Variants in NOP58 observed in about 807,000 individuals in gnomAD.
NOP58 encodes NOP58 ribonucleoprotein.
Under a neutral mutation model 71.2 loss-of-function variants are expected in NOP58, and 44 were observed. The observed-to-expected ratio is 0.62, with a 90% CI of 0.49 to 0.79. The LOEUF (loss-of-function observed/expected upper bound fraction) is 0.79. NOP58 is among the 30% of genes least tolerant of loss of function. The probability of loss-of-function intolerance (pLI) is 0.00; values close to 1 mark genes in which losing one functional copy is unlikely to be tolerated. For synonymous variants in NOP58, 228 were observed against 200.3 expected (o/e 1.14, Z -1.17); for missense variants, 538 against 620.2 (o/e 0.87, Z 1.41).
intron 12 of NOP58, among the ~76,000 whole-genome samples, chr2:202,298,420 G>A (rs974212183): frequency 5.9e-5 from 9 of 152,150 alleles, no homozygotes; most frequent in African/African-American, 2.2e-4. Context: ...GGAGGCTGAG[G>A]CAGGCAGATC....
chr2:202,294,216 T>G (rs12478194), intron 9 of NOP58, among the ~76,000 whole-genome samples: 51,071 of 151,004 alleles, frequency 0.34, 10,045 homozygotes, highest in African/African-American at 0.55. Flanking sequence ...CTACTCGGGA[T>G]GCTGAGGCAG....
chr2:202,287,091 G>A (rs1045943925), intron 5 of NOP58, among the ~76,000 whole-genome samples: 19 of 141,104 alleles, frequency 1.3e-4, no homozygotes, highest in Admixed American at 3.6e-4. Context: ...TTTTTGAGGC[G>A]GAGTCTTGCT....
Position 202,265,891 on chromosome 2 carries a change from C to T in NOP58, c.-51C>T, listed in dbSNP as rs369397560. 37 of 1,612,178 alleles carry T rather than the reference C, an allele frequency of 2.3e-5. No individual in the cohort carries two copies. The Middle Eastern group carries it at 6.6e-4, about 29-fold the overall frequency. On this transcript the variant is annotated 5_prime_UTR_variant, in exon 1 of 15. Coordinates refer to ENST00000264279, the MANE Select transcript of NOP58 (RefSeq NM_015934.5). ...AGGCCGCGTAGTCGGTGTTTTTGAA[C>T]TGACTCTACAGCTTCTGGCAGGCCG... is the stretch of plus-strand genomic sequence containing the variant.
Position 202,294,926 on chromosome 2 carries a change from C to G in NOP58, c.908-748C>G, listed in dbSNP as rs192703137. ...GATGCAGTGAGCCAAGATCGCGCCA[C>G]TGCACTCCAGCCTGCGCAACAGAGC... On this transcript the variant is annotated intron_variant, in intron 9 of 14. Transcript: ENST00000264279. Among the ~76,000 whole-genome samples the G allele has an allele frequency of 1.1e-4, 16 of 151,524 alleles. 1 individual carries two copies. Among genetic ancestry groups the G allele is most frequent in the Admixed American group, 9.9e-4 (15 of 15,208 alleles).
intron 6 of NOP58, among the ~76,000 whole-genome samples, chr2:202,288,567 C>T (rs1688830991): frequency 6.6e-6 from 1 of 151,330 alleles, no homozygotes; most frequent in Non-Finnish European, 1.5e-5. Flanking sequence ...CCTGTAATCC[C>T]AACACTTTGG....
intron 8 of NOP58, 54 bp downstream of exon 8, chr2:202,291,324 A>G: frequency 7.4e-7 from 1 of 1,349,526 alleles, no homozygotes; most frequent in Non-Finnish European, 1.0e-6. Context: ...CTATAGTACT[A>G]ATTTTTCTGA....
intron 1 of NOP58, among the ~76,000 whole-genome samples, chr2:202,267,375 T>C (rs1288363206): frequency 6.6e-6 from 1 of 152,178 alleles, no homozygotes; most frequent in East Asian, 1.9e-4. Flanking sequence ...AGTTTGCATT[T>C]GATACGTCAA....
intron 9 of NOP58, among the ~76,000 whole-genome samples, chr2:202,294,809 A>C (rs1455372647): frequency 2.0e-5 from 3 of 151,370 alleles, no homozygotes; most frequent in African/African-American, 7.3e-5. Context: ...CTAAAAATAC[A>C]AAAAAAAATT....
chr2:202,277,142 C>T (rs999969171), intron 2 of NOP58, among the ~76,000 whole-genome samples: 1 of 152,110 alleles, frequency 6.6e-6, no homozygotes, highest in Non-Finnish European at 1.5e-5. Context: ...AAAAAATTAG[C>T]CAGGTGTGGT....
chr2:202,295,890 CA>C, intron 10 of NOP58, 53 bp downstream of exon 10: 1 of 1,427,954 alleles, frequency 7.0e-7, no homozygotes, highest in Non-Finnish European at 9.3e-7. Flanking sequence ...TCATTTTTTA[CA>C]ACCCATTTTT....
intron 3 of NOP58, 99 bp from the exon 4 acceptor site, chr2:202,282,252 T>G: frequency 1.1e-6 from 1 of 880,306 alleles, no homozygotes; most frequent in Non-Finnish European, 1.7e-6. Context: ...TTCAAGCCCT[T>G]TGAAAGGCCT....
chr2:202,294,404 C>T (rs1442623163), intron 9 of NOP58, among the ~76,000 whole-genome samples: 2 of 150,408 alleles, frequency 1.3e-5, no homozygotes, highest in Non-Finnish European at 3.0e-5. Context: ...TGCTTAAGTT[C>T]ATAGTATTAA....
chr2:202,267,872 G>C (rs2105834134), intron 1 of NOP58, among the ~76,000 whole-genome samples: 1 of 152,278 alleles, frequency 6.6e-6, no homozygotes, highest in East Asian at 1.9e-4. Flanking sequence ...TATTCCGTTG[G>C]AGTTTGCAGT....
intron 6 of NOP58, 120 bp from the exon 7 acceptor site, chr2:202,290,203 C>G (rs1688862208): frequency 1.4e-6 from 1 of 704,458 alleles, no homozygotes; most frequent in Non-Finnish European, 2.3e-6. Context: ...ATATGCCTGT[C>G]TGCTGGGATT....
At position 202,290,390 on chromosome 2, in the gene NOP58, G is replaced by A. The variant is rs930171677; in HGVS notation, c.567G>A (p.Trp189Ter). The A allele has an allele frequency of 1.1e-5, 17 of 1,607,348 alleles. No homozygotes were observed. The highest frequency in any genetic ancestry group is 1.4e-5 in the Non-Finnish European group (16 of 1,174,376). The change falls in exon 7 of 15, where the codon TGG (tryptophan) becomes TGA (stop). Residue 189 changes from tryptophan (W) to a stop codon, truncating the protein, a stop_gained. Coordinates refer to ENST00000264279, the MANE Select transcript of NOP58 (RefSeq NM_015934.5). LOFTEE classifies it high-confidence loss of function. ...TGCGATGTAGAGAATGGTATGGCTGGCATTTCCCTGAATTAGGAAAAATTA... is the reference window on the plus strand; with the variant it reads ...TGCGATGTAGAGAATGGTATGGCTGACATTTCCCTGAATTAGGAAAAATTA... ...YIMRCREWYG[W>*]HFPELGKIIS...
intron 11 of NOP58, 123 bp downstream of exon 11, chr2:202,297,636 T>A (rs193133289): frequency 6.8e-6 from 7 of 1,024,616 alleles, no homozygotes; most frequent in Non-Finnish European, 9.9e-6. Flanking sequence ...TAAAGTATTC[T>A]TTTTGTGCCT....
At chr2:202,279,307 C>G (rs1688661710) in intron 3 of NOP58, among the ~76,000 whole-genome samples, 2 of 152,098 alleles carry the variant, frequency 1.3e-5, no homozygotes, top group African/African-American at 2.4e-5. Flanking sequence ...CTCAAACAAG[C>G]AGGTTTTTAC....
intron 12 of NOP58, among the ~76,000 whole-genome samples, chr2:202,299,122 G>C (rs1282853924): frequency 6.6e-6 from 1 of 151,850 alleles, no homozygotes; most frequent in African/African-American, 2.4e-5. Flanking sequence ...ACCACATCCA[G>C]CTAATTTTTG....
At chr2:202,270,770 C>CA (rs1168505577) in intron 1 of NOP58, among the ~76,000 whole-genome samples, 1 of 152,006 alleles carries the variant, frequency 6.6e-6, no homozygotes, top group Non-Finnish European at 1.5e-5. Context: ...AAAAACCACA[C>CA]AAAGTCTCAA....
Sources: allele counts gnomAD v4.1 joint callset (sites outside exome capture counted in the v4.1 genomes callset), GRCh38; gene constraint gnomAD v4.1.1; transcripts MANE v1.5; gene names NCBI Gene and HGNC (gene_info 2026-07-23, HGNC 2026-07-21).